Variants in CAV3 observed in about 807,000 individuals in gnomAD.
CAV3 encodes caveolin 3.
A neutral mutation model predicts 13.4 loss-of-function variants in CAV3; 10 were observed. That is an observed-to-expected ratio of 0.75 (90% CI 0.46 to 1.27). The LOEUF (loss-of-function observed/expected upper bound fraction) is 1.27, where lower values mean the gene tolerates loss of function less well. Among genes scored for constraint, CAV3 ranks in the 50% most tolerant of loss-of-function variants. CAV3 has a pLI of 0.00. For synonymous variants in CAV3, 90 were observed against 79.0 expected, an observed-to-expected ratio of 1.14 and a Z score of -0.74; for missense variants, 162 against 194.0, an observed-to-expected ratio of 0.83 and a Z score of 0.98.
In CAV3 at chr3:8,745,301, T is replaced by G. The variant is rs143417169; in HGVS notation, c.115-225T>G. Among the ~76,000 whole-genome samples, 2 of 152,284 alleles carry G rather than the reference T, an allele frequency of 1.3e-5. No individual in the cohort carries two copies. Among genetic ancestry groups the G allele is most frequent in the East Asian group, 3.9e-4 (2 of 5,178 alleles). Reference sequence around the variant, plus strand: ...AAGCAGATGCCAGCACCATGATTCCTGCACAGATCACAGACCCATGGGCCA... The same window carrying G: ...AAGCAGATGCCAGCACCATGATTCCGGCACAGATCACAGACCCATGGGCCA... On this transcript the variant is annotated intron_variant, in intron 1 of 1. Transcript: ENST00000343849. The surrounding 1 kb of genome is among the most constrained non-coding windows in gnomAD (Gnocchi z 4.8).
Position 8,745,930 on chromosome 3 carries a change from A to G in CAV3, c.*63A>G. 1.1e-5 allele frequency: 15 copies of G among 1,363,832 alleles called. No homozygotes were observed. Among genetic ancestry groups the G allele is most frequent in the Non-Finnish European group, 1.4e-5 (14 of 976,676 alleles). 84.5% of individuals were successfully genotyped at this position (1,363,832 alleles called of 1,614,324 possible). On this transcript the variant is annotated 3_prime_UTR_variant, in exon 2 of 2. Transcript: ENST00000343849. The surrounding 1 kb of genome is among the most constrained non-coding windows in gnomAD (Gnocchi z 4.8). ...GGTGGGCCAGACTGGTCCCCGGGGG[A>G]CTTCTTCACAGGGGCTGCTGGCGAG...
At chr3:8,744,586 A>G (rs959832246) in intron 1 of CAV3, among the ~76,000 whole-genome samples, 1 of 151,756 alleles carries the variant, frequency 6.6e-6, no homozygotes, top group African/African-American at 2.4e-5. Context: ...CAGACAAGAC[A>G]GCTGAGGCTT....
At position 8,745,497 on chromosome 3, in the gene CAV3, G is replaced by T. The variant is rs774229512; in HGVS notation, c.115-29G>T. On this transcript the variant is annotated intron_variant, in intron 1 of 1. Coordinates refer to ENST00000343849, the MANE Select transcript of CAV3 (RefSeq NM_033337.3). The surrounding 1 kb of genome is among the most constrained non-coding windows in gnomAD (Gnocchi z 4.8). ...CTTGAGAAGCGGGTGGCTTCTGTGA[G>T]TTGAGGCTTCCCCTTGCCACCCCTG... is the stretch of plus-strand genomic sequence containing the variant. 8 of 1,583,928 alleles carry T rather than the reference G, an allele frequency of 5.1e-6. No homozygotes were observed. Among genetic ancestry groups the T allele is most frequent in the Non-Finnish European group, 6.9e-6 (8 of 1,153,150 alleles).
Position 8,745,536 on chromosome 3 carries a change from A to C in CAV3, c.125A>C (p.Glu42Ala), listed in dbSNP as rs137901165. ...INEDIVKVDF[E>A]DVIAEPVGTY... ...TTGCCACCCCTGCAGGTGGATTTTGAAGACGTGATCGCAGAGCCTGTGGGC... is the reference window on the plus strand; with the variant it reads ...TTGCCACCCCTGCAGGTGGATTTTGCAGACGTGATCGCAGAGCCTGTGGGC... The change falls in exon 2 of 2, where the codon GAA becomes GCA. Residue 42 changes from glutamate to alanine, a missense_variant. Glu to Ala is a moderately radical substitution (Grantham distance 107). Coordinates refer to ENST00000343849, the MANE Select transcript of CAV3 (RefSeq NM_033337.3). The surrounding 1 kb of genome is among the most constrained non-coding windows in gnomAD (Gnocchi z 4.8). 1.5e-5 allele frequency: 25 copies of C among 1,613,984 alleles called. No individual in the cohort carries two copies. In the African/African-American group the frequency reaches 3.3e-4, roughly 22 times the overall value.
At chr3:8,743,637 GAC>G (rs1306560220) in intron 1 of CAV3, among the ~76,000 whole-genome samples, 3 of 152,182 alleles carry the variant, frequency 2.0e-5, no homozygotes, top group South Asian at 2.1e-4. Context: ...GCTGCCTGCT[GAC>G]ACACCACCCC....
At chr3:8,738,555 T>C (rs1707839754) in intron 1 of CAV3, among the ~76,000 whole-genome samples, 1 of 152,066 alleles carries the variant, frequency 6.6e-6, no homozygotes, top group African/African-American at 2.4e-5. Flanking sequence ...TTAGGTGTCA[T>C]GGGAGGTTAG....
intron 1 of CAV3, among the ~76,000 whole-genome samples, chr3:8,738,474 G>A (rs1021189475): frequency 6.6e-6 from 1 of 152,200 alleles, no homozygotes; most frequent in Non-Finnish European, 1.5e-5. Flanking sequence ...ATCCATTCCT[G>A]GGGAGAAGAT....
intron 1 of CAV3, among the ~76,000 whole-genome samples, chr3:8,743,715 G>A (rs1708051867): frequency 1.3e-5 from 2 of 152,254 alleles, no homozygotes; most frequent in Middle Eastern, 6.8e-3. Context: ...CCTGAGGTGG[G>A]GTGCAGGAGC....
At chr3:8,738,629 T>C (rs1004378395) in intron 1 of CAV3, among the ~76,000 whole-genome samples, 2 of 152,120 alleles carry the variant, frequency 1.3e-5, no homozygotes, top group African/African-American at 4.8e-5. Flanking sequence ...GTGGTATCCA[T>C]GGTGCATCAT....
rs1558990 is a variant in CAV3 at position 8,734,145 on chromosome 3, C to A, written c.114+155C>A. Among the ~76,000 whole-genome samples the A allele has an allele frequency of 0.096, 14,502 of 151,668 alleles. 910 individuals are homozygous for A. The highest frequency in any genetic ancestry group is 0.15 in the Non-Finnish European group (9,993 of 67,850). On this transcript the variant is annotated intron_variant, in intron 1 of 1. Transcript: ENST00000343849. ...TATCACCCCCCCAACCCCACCCCAC[C>A]CCCAAAAAAAGGCTTCTAAATCACC...
intron 1 of CAV3, among the ~76,000 whole-genome samples, chr3:8,739,620 C>T (rs74562089): frequency 1.4e-5 from 2 of 138,012 alleles, no homozygotes. Context: ...AATTCCTTCT[C>T]CAAAAAAAAA....
intron 1 of CAV3, among the ~76,000 whole-genome samples, chr3:8,739,054 ATTCC>A (rs1304679713): frequency 4.6e-5 from 7 of 152,250 alleles, no homozygotes; most frequent in African/African-American, 1.7e-4. Flanking sequence ...CATATTGGCA[ATTCC>A]TTCCTTTTGG....
chr3:8,734,127 C>A (rs1160847996), intron 1 of CAV3, 137 bp downstream of exon 1: 3 of 675,856 alleles, frequency 4.4e-6, no homozygotes, highest in Non-Finnish European at 2.7e-6. Context: ...CTGTATCACC[C>A]CCCCAACCCC....
intron 1 of CAV3, among the ~76,000 whole-genome samples, chr3:8,743,273 T>C (rs1708038286): frequency 6.6e-6 from 1 of 152,010 alleles, no homozygotes; most frequent in Admixed American, 6.5e-5. Context: ...GATGAATACA[T>C]GAAAGAAAAA....
rs730880423 is a variant in CAV3, at chr3:8,745,860, A to T, written c.449A>T (p.Glu150Val). The change falls in exon 2 of 2, where the codon GAG (glutamate) becomes GTG (valine). Residue 150 changes from glutamate (E) to valine (V), a missense_variant. Glu to Val is a moderately radical substitution (Grantham distance 121, BLOSUM62 -2). Transcript: ENST00000343849. This position sits in a 1 kb window ranked among gnomAD's most constrained non-coding sequence, Gnocchi z 4.8. ...AGCATCAAGGTGGTGCTGCGGAAGG[A>T]GGTCTAAAGCCAGGTGGGGCAACAG... ...CSSIKVVLRKEV is the reference protein window; with the variant it reads ...CSSIKVVLRKVV The T allele has an allele frequency of 7.4e-6, 12 of 1,611,130 alleles. No individual in the cohort carries two copies. The highest frequency in any genetic ancestry group is 9.3e-6 in the Non-Finnish European group (11 of 1,178,992).
intron 1 of CAV3, among the ~76,000 whole-genome samples, chr3:8,743,430 A>G (rs1476887773): frequency 6.6e-6 from 1 of 152,080 alleles, no homozygotes; most frequent in African/African-American, 2.4e-5. Context: ...GCCCTCCAAG[A>G]AGAAGTAACA....
rs1233979640 is a variant in CAV3, at chr3:8,733,893, A to G, written c.17A>G (p.His6Arg). MMAEE[H>R]TDLEAQIVKD... Reference sequence around the variant, plus strand: ...AGCTCTGCGATGATGGCAGAAGAGCACACAGATCTCGAGGCCCAGATCGTC... The same window carrying G: ...AGCTCTGCGATGATGGCAGAAGAGCGCACAGATCTCGAGGCCCAGATCGTC... Residue 6 changes from histidine to arginine, a missense_variant, in exon 1 of 2, where the codon CAC becomes CGC. Physicochemically the swap from His to Arg is conservative, Grantham distance 29. Coordinates refer to ENST00000343849, the MANE Select transcript of CAV3 (RefSeq NM_033337.3). 1.2e-6 allele frequency: 2 copies of G among 1,610,214 alleles called. No individual in the cohort carries two copies. The highest frequency in any genetic ancestry group is 2.7e-5 in the African/African-American group (2 of 74,856).
chr3:8,734,877 C>A (rs974168482), intron 1 of CAV3, among the ~76,000 whole-genome samples: 1 of 152,176 alleles, frequency 6.6e-6, no homozygotes, highest in African/African-American at 2.4e-5. Context: ...TGCCACCATG[C>A]CCAGCTAATT....
At position 8,741,581 on chromosome 3, in the gene CAV3, G is replaced by C. The variant is rs1361600463; in HGVS notation, c.115-3945G>C. 3.9e-5 allele frequency among the ~76,000 whole-genome samples: 6 copies of C among 152,270 alleles called. No individual in the cohort carries two copies. In the East Asian group the frequency reaches 1.2e-3, roughly 29 times the overall value. ...CAAACAAAAAACCTAGGATCTCAGA[G>C]AGGGAAAGTACCATGCCCCAAATCA... is the stretch of plus-strand genomic sequence containing the variant. On this transcript the variant is annotated intron_variant, in intron 1 of 1. Coordinates refer to ENST00000343849, the MANE Select transcript of CAV3 (RefSeq NM_033337.3).
Sources: allele counts gnomAD v4.1 joint callset (sites outside exome capture counted in the v4.1 genomes callset), GRCh38; gene constraint gnomAD v4.1.1; non-coding constraint Gnocchi (gnomAD v3.1); transcripts MANE v1.5; gene names NCBI Gene and HGNC (gene_info 2026-07-23, HGNC 2026-07-21).